The following SRC variants were observed in gnomAD, a reference collection of about 807,000 sequenced individuals.
The protein encoded by SRC is SRC proto-oncogene, non-receptor tyrosine kinase.
In SRC, 13 loss-of-function variants were observed where a neutral mutation model predicts 62.9. The observed-to-expected ratio is 0.21, with a 90% CI of 0.13 to 0.33. The LOEUF (loss-of-function observed/expected upper bound fraction) is 0.33, where lower values mean the gene tolerates loss of function less well. Ranked by LOEUF, SRC falls within the 10% of genes least tolerant of loss-of-function variation. SRC has a pLI of 1.00. For synonymous variants in SRC, 302 were observed against 317.5 expected, an observed-to-expected ratio of 0.95 and a Z score of 0.52; for missense variants, 457 against 737.3, an observed-to-expected ratio of 0.62 and a Z score of 4.40.
intron 7 of SRC, among the ~76,000 whole-genome samples, chr20:37,395,682 C>T (rs959898733): frequency 1.3e-5 from 2 of 152,154 alleles, no homozygotes; most frequent in African/African-American, 2.4e-5. Flanking sequence ...ATGGACAGTG[C>T]CCCCGCAAGC....
Position 37,401,583 on chromosome 20 carries a change from T to A in SRC, c.1040-19T>A. On this transcript the variant is annotated intron_variant, in intron 10 of 13. Coordinates refer to ENST00000373578, the MANE Select transcript of SRC (RefSeq NM_198291.3). Reference sequence around the variant, plus strand: ...AGAGGGACAGGGCAGGAGCTGGAGCTGGGTCTCTCTCTGCCCAGGGAGTTT... The same window carrying A: ...AGAGGGACAGGGCAGGAGCTGGAGCAGGGTCTCTCTCTGCCCAGGGAGTTT... 3.1e-6 allele frequency: 5 copies of A among 1,600,146 alleles called. No individual in the cohort carries two copies. The highest frequency in any genetic ancestry group is 4.3e-6 in the Non-Finnish European group (5 of 1,170,184).
intron 4 of SRC, 132 bp from the exon 5 acceptor site, chr20:37,385,943 C>G: frequency 1.4e-6 from 1 of 725,598 alleles, no homozygotes; most frequent in Non-Finnish European, 2.5e-6. Flanking sequence ...CTTCACTGAA[C>G]CTGACTGTGT....
intron 1 of SRC, among the ~76,000 whole-genome samples, chr20:37,360,521 C>T (rs1402912637): frequency 6.6e-6 from 1 of 152,132 alleles, no homozygotes; most frequent in Non-Finnish European, 1.5e-5. Context: ...AGGCGTGAGC[C>T]ACCATCTAAT....
intron 2 of SRC, among the ~76,000 whole-genome samples, chr20:37,372,063 T>C (rs1450668424): frequency 6.6e-6 from 1 of 152,150 alleles, no homozygotes; most frequent in Admixed American, 6.6e-5. Context: ...AGTGGCACGA[T>C]CATGGCTCAT....
At position 37,389,040 on chromosome 20, in the gene SRC, G is replaced by A. The variant is rs1601003998; in HGVS notation, c.350+2866G>A. Among the ~76,000 whole-genome samples, 7 of 152,272 alleles carry A rather than the reference G, an allele frequency of 4.6e-5. 1 individual carries two copies. The South Asian group carries it at 1.5e-3, about 32-fold the overall frequency. Reference sequence around the variant, plus strand: ...CTGGGCTGGCTGTCAGGGCAGTAGAGAGCTAGAGGAGGAACCCGTCTGTGG... The same window carrying A: ...CTGGGCTGGCTGTCAGGGCAGTAGAAAGCTAGAGGAGGAACCCGTCTGTGG... On this transcript the variant is annotated intron_variant, in intron 5 of 13. Transcript: ENST00000373578.
At position 37,393,931 on chromosome 20, in the gene SRC, A is replaced by G. The variant is rs149325729; in HGVS notation, c.387A>G (p.Thr129=). Residue 129 remains threonine, a synonymous_variant, in exon 6 of 14, where the codon ACA becomes ACG. Transcript: ENST00000373578. ...GGTGGCTGGCCCACTCGCTCAGCAC[A>G]GGACAGACAGGCTACATCCCCAGCA... ...GDWWLAHSLS[T]GQTGYIPSNY... The G allele has an allele frequency of 3.4e-4, 551 of 1,614,092 alleles. No individual in the cohort carries two copies. The African/African-American group carries it at 6.4e-3, about 19-fold the overall frequency.
rs1427792544 is a variant in SRC at position 37,400,158 on chromosome 20, G to A, written c.903G>A (p.Lys301=). The A allele has an allele frequency of 2.5e-6, 4 of 1,613,302 alleles. No individual in the cohort carries two copies. Among genetic ancestry groups the A allele is most frequent in the Middle Eastern group, 1.7e-4 (1 of 5,862 alleles). ...GTTRVAIKTL[K]PGTMSPEAFL... ...CCAGGGTGGCCATCAAAACCCTGAA[G>A]CCTGGCACGATGTCTCCAGAGGCCT... is the stretch of plus-strand genomic sequence containing the variant. Residue 301 remains lysine (K), a synonymous_variant, in exon 10 of 14, where the codon AAG becomes AAA. Coordinates refer to ENST00000373578, the MANE Select transcript of SRC (RefSeq NM_198291.3).
Position 37,393,854 on chromosome 20 carries a change from G to T in SRC, c.351-41G>T, listed in dbSNP as rs201894930. On this transcript the variant is annotated intron_variant, in intron 5 of 13. Coordinates refer to ENST00000373578, the MANE Select transcript of SRC (RefSeq NM_198291.3). ...GGTGGGCACCGGGCTTGTGGCTGAC[G>T]GCTCCCTTCTCCTTTCCTCCCTCCT... is the stretch of plus-strand genomic sequence containing the variant. 4 of 1,503,176 alleles carry T rather than the reference G, an allele frequency of 2.7e-6. No homozygotes were observed. In the African/African-American group the frequency reaches 5.5e-5, roughly 21 times the overall value. The allele number at this position is 1,503,176 out of a possible 1,614,324, so 93.1% of individuals were successfully genotyped here. A position where few individuals can be genotyped will look rare whatever the true frequency, so the allele number is the denominator to read the frequency against.
chr20:37,401,902 A>C, intron 11 of SRC: 1 of 458,182 alleles, frequency 2.2e-6, no homozygotes, highest in Non-Finnish European at 3.8e-6. Flanking sequence ...GGGGTCACTG[A>C]CTTACTGTGG....
At chr20:37,380,303 C>T (rs1026374931) in intron 2 of SRC, among the ~76,000 whole-genome samples, 10 of 152,148 alleles carry the variant, frequency 6.6e-5, no homozygotes, top group Admixed American at 2.0e-4. Flanking sequence ...CTGTGAGTTT[C>T]AGCCCCTGAT....
At chr20:37,363,774 T>A (rs781605003) in intron 1 of SRC, among the ~76,000 whole-genome samples, 6 of 152,202 alleles carry the variant, frequency 3.9e-5, no homozygotes, top group Non-Finnish European at 7.4e-5. Flanking sequence ...CCAGGGGCTC[T>A]GGGTGGCCGT....
At chr20:37,400,590 C>T (rs1412473099) in intron 10 of SRC, among the ~76,000 whole-genome samples, 2 of 152,128 alleles carry the variant, frequency 1.3e-5, no homozygotes, top group Non-Finnish European at 2.9e-5. Context: ...CTATGTTGCC[C>T]AGGCTGGTCT....
chr20:37,386,612 C>G (rs919443128), intron 5 of SRC: 39 of 662,906 alleles, frequency 5.9e-5, no homozygotes, highest in Non-Finnish European at 9.0e-5. Context: ...CAGCTTCTCC[C>G]CTCCCCCCTC....
At position 37,394,083 on chromosome 20, in the gene SRC, T is replaced by C. The variant is rs543038908; in HGVS notation, c.449+90T>C. On this transcript the variant is annotated intron_variant, in intron 6 of 13. Coordinates refer to ENST00000373578, the MANE Select transcript of SRC (RefSeq NM_198291.3). ...CCTGGGCTGGGGTGGGAGGTCTGGC[T>C]GTCCAGCGCCCCAGCCATATCCAGG... 2.6e-6 allele frequency: 4 copies of C among 1,559,276 alleles called. No individual in the cohort carries two copies. In the East Asian group the frequency reaches 6.7e-5, roughly 26 times the overall value.
chr20:37,386,696 TCTC>T (rs1306645349), intron 5 of SRC, among the ~76,000 whole-genome samples: 2 of 151,956 alleles, frequency 1.3e-5, no homozygotes, highest in Non-Finnish European at 2.9e-5. Context: ...CTCCTGCACA[TCTC>T]CTCCCCATCC....
At chr20:37,376,379 T>A (rs2070278917) in intron 2 of SRC, among the ~76,000 whole-genome samples, 1 of 152,234 alleles carries the variant, frequency 6.6e-6, no homozygotes, top group South Asian at 2.1e-4. Flanking sequence ...ACATCACGCT[T>A]CCTCACAATG....
At chr20:37,373,127 CAT>C (rs1455834582) in intron 2 of SRC, among the ~76,000 whole-genome samples, 2 of 145,316 alleles carry the variant, frequency 1.4e-5, no homozygotes, top group African/African-American at 2.8e-5. Flanking sequence ...CACATATGTA[CAT>C]ATATACACAT....
Position 37,393,900 on chromosome 20 carries a change from G to T in SRC, c.356G>T (p.Gly119Val). ...ERLQIVNNTE[G>V]DWWLAHSLST... ...CTCCTTCTGTCCCTGCTCAGAGAGG[G>T]AGACTGGTGGCTGGCCCACTCGCTC... is the stretch of plus-strand genomic sequence containing the variant. The change falls in exon 6 of 14, where the codon GGA (glycine) becomes GTA (valine). Residue 119 changes from glycine (G) to valine (V), a missense_variant. Transcript: ENST00000373578. 3 of 1,613,660 alleles carry T rather than the reference G, an allele frequency of 1.9e-6. No individual in the cohort carries two copies. The highest frequency in any genetic ancestry group is 2.5e-6 in the Non-Finnish European group (3 of 1,179,654).
intron 2 of SRC, among the ~76,000 whole-genome samples, chr20:37,371,391 T>C (rs543093967): frequency 6.6e-6 from 1 of 152,222 alleles, no homozygotes; most frequent in Non-Finnish European, 1.5e-5. Flanking sequence ...TAGTCTCTTA[T>C]AATCTTTGTT....
Sources: gnomAD v4.1 joint callset for allele counts (sites outside exome capture counted in the v4.1 genomes callset) on GRCh38, gnomAD v4.1.1 for gene constraint, MANE v1.5 for transcripts, NCBI Gene and HGNC (gene_info 2026-07-23, HGNC 2026-07-21) for gene names.